Variants in FBXL7 observed in about 807,000 individuals in gnomAD.
FBXL7 encodes F-box and leucine rich repeat protein 7.
FBXL7 carries 12 observed loss-of-function variants against 38.3 expected under a neutral mutation model. The ratio of observed to expected loss-of-function variants is 0.31; its 90% CI spans 0.20 to 0.51. The LOEUF (loss-of-function observed/expected upper bound fraction) is 0.51. Among genes scored for constraint, FBXL7 ranks in the 20% least tolerant of loss-of-function variants. The pLI, the probability that FBXL7 is intolerant of heterozygous loss-of-function variation, is 0.98. For synonymous variants in FBXL7, 297 were observed against 300.9 expected (o/e 0.99, Z 0.13); for missense variants, 567 against 676.4 (o/e 0.84, Z 1.79).
chr5:15,905,444 C>T (rs1414402585), intron 2 of FBXL7, among the ~76,000 whole-genome samples: 4 of 152,006 alleles, frequency 2.6e-5, no homozygotes, highest in Non-Finnish European at 5.9e-5. Flanking sequence ...TTGAATGAAC[C>T]AAAACAATTT....
chr5:15,546,562 G>A (rs1737900585), intron 1 of FBXL7, among the ~76,000 whole-genome samples: 1 of 151,692 alleles, frequency 6.6e-6, no homozygotes, highest in African/African-American at 2.4e-5. Flanking sequence ...GCGAGACTCT[G>A]TCTCCAAAAA....
chr5:15,650,746 CA>C (rs1287750024), intron 2 of FBXL7, among the ~76,000 whole-genome samples: 2 of 152,186 alleles, frequency 1.3e-5, no homozygotes, highest in African/African-American at 4.8e-5. Flanking sequence ...GTCAAGAAAC[CA>C]CTTTCTTTGC....
At chr5:15,506,109 C>T (rs1736639750) in intron 1 of FBXL7, among the ~76,000 whole-genome samples, 1 of 151,740 alleles carries the variant, frequency 6.6e-6, no homozygotes, top group African/African-American at 2.4e-5. Flanking sequence ...CCTCAGCATA[C>T]AATTTTTTTT....
At chr5:15,669,271 T>C (rs1015973497) in intron 2 of FBXL7, among the ~76,000 whole-genome samples, 3 of 152,226 alleles carry the variant, frequency 2.0e-5, no homozygotes, top group Non-Finnish European at 2.9e-5. Context: ...CTAAAAGGTG[T>C]ACATACTTAA....
rs1739878005 is a variant in FBXL7, at chr5:15,603,560, T to C, written c.38-12423T>C. Among the ~76,000 whole-genome samples, 3 of 152,320 alleles carry C rather than the reference T, an allele frequency of 2.0e-5. No individual in the cohort carries two copies. The South Asian group carries it at 6.2e-4, about 32-fold the overall frequency. ...GCCCTCCAGTGGGAATTCTCCACTC[T>C]GTGTAGGCAATGAGGTCATGGCTTA... On this transcript the variant is annotated intron_variant, in intron 1 of 3. Coordinates refer to ENST00000504595, the MANE Select transcript of FBXL7 (RefSeq NM_012304.5).
intron 2 of FBXL7, among the ~76,000 whole-genome samples, chr5:15,833,541 G>C (rs1344327678): frequency 6.6e-6 from 1 of 152,220 alleles, no homozygotes; most frequent in Non-Finnish European, 1.5e-5. Context: ...AACAGCTCCA[G>C]TATCTTCCCT....
intron 2 of FBXL7, among the ~76,000 whole-genome samples, chr5:15,726,184 T>A (rs1444569742): frequency 6.6e-6 from 1 of 152,200 alleles, no homozygotes; most frequent in Non-Finnish European, 1.5e-5. Context: ...ACTCCCACTC[T>A]TTTTTGGTTA....
At chr5:15,893,464 A>G (rs16867814) in intron 2 of FBXL7, among the ~76,000 whole-genome samples, 7,165 of 152,314 alleles carry the variant, frequency 0.047, 556 homozygotes, top group African/African-American at 0.16. Context: ...CACTGGGGCC[A>G]ATGAACGTAT....
intron 2 of FBXL7, among the ~76,000 whole-genome samples, chr5:15,838,131 G>T (rs1261083883): frequency 6.6e-6 from 1 of 152,040 alleles, no homozygotes; most frequent in Non-Finnish European, 1.5e-5. Flanking sequence ...TGGGAGATGT[G>T]GATGGATGAG....
At chr5:15,551,538 G>A (rs1738071134) in intron 1 of FBXL7, among the ~76,000 whole-genome samples, 1 of 152,210 alleles carries the variant, frequency 6.6e-6, no homozygotes, top group African/African-American at 2.4e-5. Context: ...CCAGTCCCTG[G>A]CGTCTCGCAG....
intron 1 of FBXL7, among the ~76,000 whole-genome samples, chr5:15,598,799 T>C (rs1176617764): frequency 6.6e-6 from 1 of 152,172 alleles, no homozygotes; most frequent in Non-Finnish European, 1.5e-5. Flanking sequence ...GAGCAATCAC[T>C]GGGCAATGAG....
intron 2 of FBXL7, among the ~76,000 whole-genome samples, chr5:15,745,969 T>C (rs1484221130): frequency 6.6e-6 from 1 of 152,160 alleles, no homozygotes; most frequent in Admixed American, 6.6e-5. Flanking sequence ...CCCTTTCCTC[T>C]TTCCAAATGA....
chr5:15,543,537 A>G (rs1307996457), intron 1 of FBXL7, among the ~76,000 whole-genome samples: 3 of 152,210 alleles, frequency 2.0e-5, no homozygotes, highest in African/African-American at 4.8e-5. Flanking sequence ...CAAGCTAGGC[A>G]TGGGAATGGA....
Position 15,937,304 on chromosome 5 carries a change from T to C in FBXL7, c.*118T>C, listed in dbSNP as rs1181762228. 1 of 1,267,186 alleles carries C rather than the reference T, an allele frequency of 7.9e-7. No homozygotes were observed. Among genetic ancestry groups the C allele is most frequent in the African/African-American group, 1.5e-5 (1 of 66,274 alleles). 78.5% of individuals were successfully genotyped at this position (1,267,186 alleles called of 1,614,324 possible). Reference sequence around the variant, plus strand: ...AAACAGCTCTTTCTTCCGGGAAGGTTATTAGGAATCTGGCCTTTATTTTTC... The same window carrying C: ...AAACAGCTCTTTCTTCCGGGAAGGTCATTAGGAATCTGGCCTTTATTTTTC... On this transcript the variant is annotated 3_prime_UTR_variant, in exon 4 of 4. Coordinates refer to ENST00000504595, the MANE Select transcript of FBXL7 (RefSeq NM_012304.5).
intron 2 of FBXL7, among the ~76,000 whole-genome samples, chr5:15,621,312 G>C (rs186850080): frequency 6.6e-6 from 1 of 152,276 alleles, no homozygotes; most frequent in East Asian, 1.9e-4. Context: ...AGTGTAGAAG[G>C]CTGGAAATTT....
intron 2 of FBXL7, among the ~76,000 whole-genome samples, chr5:15,652,545 C>G (rs889579130): frequency 6.6e-6 from 1 of 152,174 alleles, no homozygotes; most frequent in Non-Finnish European, 1.5e-5. Flanking sequence ...GGATTACAGG[C>G]GTGAGCCATA....
At chr5:15,640,121 A>G (rs1341379508) in intron 2 of FBXL7, among the ~76,000 whole-genome samples, 1 of 152,196 alleles carries the variant, frequency 6.6e-6, no homozygotes, top group Non-Finnish European at 1.5e-5. Context: ...CACTGCCATA[A>G]CAAAGTATAA....
chr5:15,621,852 G>A (rs573443182), intron 2 of FBXL7, among the ~76,000 whole-genome samples: 58 of 152,262 alleles, frequency 3.8e-4, no homozygotes, highest in African/African-American at 1.3e-3. Context: ...ATGCAGCCAC[G>A]GGATTTTCAG....
At chr5:15,708,069 T>C (rs1743746579) in intron 2 of FBXL7, among the ~76,000 whole-genome samples, 1 of 152,218 alleles carries the variant, frequency 6.6e-6, no homozygotes, top group Admixed American at 6.5e-5. Flanking sequence ...ATGCCAAACA[T>C]TGATGATGTA....
Sources: allele counts gnomAD v4.1 joint callset (sites outside exome capture counted in the v4.1 genomes callset), GRCh38; gene constraint gnomAD v4.1.1; transcripts MANE v1.5; gene names NCBI Gene and HGNC (gene_info 2026-07-23, HGNC 2026-07-21).